The following CYP7B1 variants were observed in gnomAD, a reference collection of about 807,000 sequenced individuals.
CYP7B1 encodes cytochrome P450 7B1.
CYP7B1 carries 29 observed loss-of-function variants against 42.7 expected under a neutral mutation model. That is an observed-to-expected ratio of 0.68 (90% CI 0.51 to 0.93). The LOEUF (loss-of-function observed/expected upper bound fraction) is 0.93, where lower values mean the gene tolerates loss of function less well. Among genes scored for constraint, CYP7B1 ranks in the 40% least tolerant of loss-of-function variants. The pLI, the probability that CYP7B1 is intolerant of heterozygous loss-of-function variation, is 0.00. For missense variants in CYP7B1, 655 were observed against 600.5 expected, an observed-to-expected ratio of 1.09 and a Z score of -0.95; for synonymous variants, 235 against 218.2, an observed-to-expected ratio of 1.08 and a Z score of -0.68.
At chr8:64,737,986 G>A (rs2129633221) in intron 1 of CYP7B1, among the ~76,000 whole-genome samples, 1 of 152,180 alleles carries the variant, frequency 6.6e-6, no homozygotes, top group African/African-American at 2.4e-5. Context: ...TAGTCTTTTT[G>A]CTTTCCTGTC....
chr8:64,625,829 A>G (rs567461171), intron 1 of CYP7B1, among the ~76,000 whole-genome samples: 1 of 152,258 alleles, frequency 6.6e-6, no homozygotes, highest in South Asian at 2.1e-4. Flanking sequence ...TCCACAAATA[A>G]AGGCTATGAG....
At chr8:64,714,659 A>G (rs1193920118) in intron 1 of CYP7B1, among the ~76,000 whole-genome samples, 1 of 152,208 alleles carries the variant, frequency 6.6e-6, no homozygotes, top group East Asian at 1.9e-4. Context: ...GTCAATCCTC[A>G]GTGATGGACA....
rs1272372370 is a variant in CYP7B1 at position 64,707,965 on chromosome 8, A to C, written c.123-83426T>G. Among the ~76,000 whole-genome samples, 2 of 152,174 alleles carry C rather than the reference A, an allele frequency of 1.3e-5. 1 individual carries two copies. On this transcript the variant is annotated intron_variant, in intron 1 of 5. Coordinates refer to ENST00000310193, the MANE Select transcript of CYP7B1 (RefSeq NM_004820.5). ...ACCCTGAGAATTAGAAGTGCTAATC[A>C]TATAATTCTAATCCCCTCAGGCTTG...
chr8:64,634,535 C>T lies in CYP7B1; in HGVS notation c.123-9996G>A, dbSNP rs181603234. ...TGGAGGTTCCAGTGAACCGAGATTGCGCCACTGCACTCCAGCCTGAGCAAT... is the reference window on the plus strand; with the variant it reads ...TGGAGGTTCCAGTGAACCGAGATTGTGCCACTGCACTCCAGCCTGAGCAAT... On this transcript the variant is annotated intron_variant, in intron 1 of 5. Coordinates refer to ENST00000310193, the MANE Select transcript of CYP7B1 (RefSeq NM_004820.5). Among the ~76,000 whole-genome samples, 146 of 149,794 alleles carry T rather than the reference C, an allele frequency of 9.7e-4. 2 individuals carry two copies. Among genetic ancestry groups the T allele is most frequent in the African/African-American group, 3.5e-3 (141 of 40,688 alleles).
intron 5 of CYP7B1, 41 bp downstream of exon 5, chr8:64,604,641 G>A (rs751554933): frequency 6.2e-7 from 1 of 1,610,654 alleles, no homozygotes; most frequent in Non-Finnish European, 8.5e-7. Context: ...TGTGCCCACA[G>A]GATCTAAGAA....
rs1805247159 is a variant in CYP7B1 at position 64,604,568 on chromosome 8, A to T, written c.1233+114T>A. ...ATTAGGAGGAATAATAGAAGCCATCAAGCTGCCTCAAACCCCTTCTGGACC... is the reference window on the plus strand; with the variant it reads ...ATTAGGAGGAATAATAGAAGCCATCTAGCTGCCTCAAACCCCTTCTGGACC... On this transcript the variant is annotated intron_variant, in intron 5 of 5. Transcript: ENST00000310193. The T allele has an allele frequency of 3.6e-6, 4 of 1,103,122 alleles. No homozygotes were observed. The Admixed American group carries it at 7.1e-5, about 20-fold the overall frequency. The allele number at this position is 1,103,122 out of a possible 1,614,324, so 68.3% of individuals were successfully genotyped here. A position where few individuals can be genotyped will look rare whatever the true frequency, so the allele number is the denominator to read the frequency against.
At chr8:64,620,837 T>C (rs1805520343) in intron 2 of CYP7B1, among the ~76,000 whole-genome samples, 1 of 152,218 alleles carries the variant, frequency 6.6e-6, no homozygotes, top group Non-Finnish European at 1.5e-5. Flanking sequence ...GGTCAAATTA[T>C]TCAGATGTTA....
chr8:64,685,873 G>T (rs1221200890), intron 1 of CYP7B1, among the ~76,000 whole-genome samples: 1 of 41,054 alleles, frequency 2.4e-5, no homozygotes, highest in Admixed American at 1.9e-4. Context: ...CGGGAGGGAG[G>T]TGGGGGGGTC....
intron 1 of CYP7B1, among the ~76,000 whole-genome samples, chr8:64,717,754 G>C (rs931069247): frequency 6.6e-6 from 1 of 152,060 alleles, no homozygotes; most frequent in African/African-American, 2.4e-5. Context: ...GCCTGAGGTG[G>C]GAAGATCACT....
At chr8:64,674,596 T>C (rs1345285152) in intron 1 of CYP7B1, among the ~76,000 whole-genome samples, 1 of 152,068 alleles carries the variant, frequency 6.6e-6, no homozygotes, top group Admixed American at 6.6e-5. Context: ...GGTTATTACA[T>C]GAAAAAAGGC....
intron 1 of CYP7B1, among the ~76,000 whole-genome samples, chr8:64,690,921 T>C (rs1806729882): frequency 6.6e-6 from 1 of 152,210 alleles, no homozygotes; most frequent in Non-Finnish European, 1.5e-5. Flanking sequence ...CAAATATTTA[T>C]GGCACGAAGG....
At chr8:64,725,169 T>A (rs1055262819) in intron 1 of CYP7B1, among the ~76,000 whole-genome samples, 4 of 152,178 alleles carry the variant, frequency 2.6e-5, no homozygotes, top group African/African-American at 9.6e-5. Flanking sequence ...AACCTACACA[T>A]AAAAATAGGC....
At chr8:64,745,623 G>C (rs537399006) in intron 1 of CYP7B1, among the ~76,000 whole-genome samples, 2 of 152,024 alleles carry the variant, frequency 1.3e-5, no homozygotes, top group South Asian at 4.1e-4. Flanking sequence ...CAGTTCAATC[G>C]GGTATAATCA....
At chr8:64,656,381 T>C (rs1806120958) in intron 1 of CYP7B1, among the ~76,000 whole-genome samples, 2 of 152,210 alleles carry the variant, frequency 1.3e-5, no homozygotes, top group African/African-American at 4.8e-5. Context: ...TTTGACTTAC[T>C]GAAGCTTTGA....
chr8:64,689,184 C>G (rs1585857625), intron 1 of CYP7B1, among the ~76,000 whole-genome samples: 1 of 152,252 alleles, frequency 6.6e-6, no homozygotes, highest in African/African-American at 2.4e-5. Context: ...TGCAAGTTCA[C>G]TGTTTAAAGG....
At chr8:64,657,937 G>A (rs930201704) in intron 1 of CYP7B1, among the ~76,000 whole-genome samples, 1 of 152,184 alleles carries the variant, frequency 6.6e-6, no homozygotes, top group East Asian at 1.9e-4. Flanking sequence ...AGTTCTGGAG[G>A]CTGGGAAGTT....
chr8:64,795,182 T>C (rs558102965), intron 1 of CYP7B1, among the ~76,000 whole-genome samples: 2 of 152,112 alleles, frequency 1.3e-5, no homozygotes, highest in South Asian at 2.1e-4. Flanking sequence ...ACAACATGAG[T>C]GAATCTTAAA....
At chr8:64,743,569 T>G (rs529744312) in intron 1 of CYP7B1, among the ~76,000 whole-genome samples, 1 of 152,288 alleles carries the variant, frequency 6.6e-6, no homozygotes, top group East Asian at 1.9e-4. Context: ...ACTGGCTCCT[T>G]GGCTTGTCTT....
At chr8:64,657,870 C>T (rs1311319262) in intron 1 of CYP7B1, among the ~76,000 whole-genome samples, 1 of 152,168 alleles carries the variant, frequency 6.6e-6, no homozygotes, top group African/African-American at 2.4e-5. Flanking sequence ...TCCATTCAGT[C>T]TGCTATAATG....
Sources: gnomAD v4.1 joint callset for allele counts (sites outside exome capture counted in the v4.1 genomes callset) on GRCh38, gnomAD v4.1.1 for gene constraint, MANE v1.5 for transcripts, NCBI Gene and HGNC (gene_info 2026-07-23, HGNC 2026-07-21) for gene names.